The following MACO1 variants were observed in gnomAD, a reference collection of about 807,000 sequenced individuals.
MACO1 encodes macoilin 1.
MACO1 carries 14 observed loss-of-function variants against 78.7 expected under a neutral mutation model. That is an observed-to-expected ratio of 0.18 (90% CI 0.12 to 0.28). The LOEUF is 0.28. Ranked by LOEUF, MACO1 falls within the 10% of genes least tolerant of loss-of-function variation. MACO1 has a pLI of 1.00. For synonymous variants in MACO1, 288 were observed against 291.6 expected (o/e 0.99, Z 0.12); for missense variants, 501 against 799.0 (o/e 0.63, Z 4.50).
At position 25,452,596 on chromosome 1, in the gene MACO1, C is replaced by A. The variant is rs185891174; in HGVS notation, c.350-1663C>A. 2.6e-4 allele frequency among the ~76,000 whole-genome samples: 40 copies of A among 152,226 alleles called. No individual in the cohort carries two copies. The East Asian group carries it at 7.3e-3, about 28-fold the overall frequency. ...GCAGATCTTCCTCATTCTTTAGGAACCTTCAACATATTTCATTATATAGAT... is the reference window on the plus strand; with the variant it reads ...GCAGATCTTCCTCATTCTTTAGGAAACTTCAACATATTTCATTATATAGAT... On this transcript the variant is annotated intron_variant, in intron 3 of 10. Coordinates refer to ENST00000374343, the MANE Select transcript of MACO1 (RefSeq NM_018202.6).
At chr1:25,452,273 C>T (rs938008209) in intron 3 of MACO1, among the ~76,000 whole-genome samples, 2 of 152,168 alleles carry the variant, frequency 1.3e-5, no homozygotes, top group Admixed American at 6.5e-5. Flanking sequence ...TTTTTTCCCC[C>T]TCGTGCCCAT....
At chr1:25,480,932 ATATATATATATATATATATATATATAT>A (rs2043370269) in intron 6 of MACO1, among the ~76,000 whole-genome samples, 8 of 72,930 alleles carry the variant, frequency 1.1e-4, no homozygotes, top group African/African-American at 2.4e-4. Context: ...AAAAAAAAAT[ATATATATATATATATATATATATATAT>A]ATATATATAT....
chr1:25,438,344 T>A (rs2042937872), intron 1 of MACO1, among the ~76,000 whole-genome samples: 1 of 152,254 alleles, frequency 6.6e-6, no homozygotes, highest in African/African-American at 2.4e-5. Context: ...AGTAATAATC[T>A]GCTTAATCAC....
At chr1:25,460,793 A>G (rs1183075134) in intron 6 of MACO1, among the ~76,000 whole-genome samples, 1 of 152,064 alleles carries the variant, frequency 6.6e-6, no homozygotes, top group East Asian at 1.9e-4. Flanking sequence ...ACACCTAAGG[A>G]GTATGCTGCT....
intron 9 of MACO1, among the ~76,000 whole-genome samples, chr1:25,490,453 TC>T (rs1332325785): frequency 6.6e-6 from 1 of 152,184 alleles, no homozygotes; most frequent in East Asian, 1.9e-4. Context: ...AATGAGAATA[TC>T]AATCATGGTG....
chr1:25,457,643 A>T (rs998797407), intron 5 of MACO1, among the ~76,000 whole-genome samples: 15 of 152,172 alleles, frequency 9.9e-5, no homozygotes, highest in African/African-American at 3.6e-4. Flanking sequence ...TTCTAATGGA[A>T]TCTCTCTCAT....
rs936908836 is a variant in MACO1, at chr1:25,454,399, T to C, written c.473+17T>C. ...TGCTCACTGGTAAGTATTACATAAATGTATGTGTGTGTGTGTGTATATGTG... is the reference window on the plus strand; with the variant it reads ...TGCTCACTGGTAAGTATTACATAAACGTATGTGTGTGTGTGTGTATATGTG... On this transcript the variant is annotated intron_variant, in intron 4 of 10. Coordinates refer to ENST00000374343, the MANE Select transcript of MACO1 (RefSeq NM_018202.6). The C allele has an allele frequency of 2.7e-6, 4 of 1,473,136 alleles. No homozygotes were observed. Among genetic ancestry groups the C allele is most frequent in the African/African-American group, 1.7e-5 (1 of 59,374 alleles). 91.3% of individuals were successfully genotyped at this position (1,473,136 alleles called of 1,614,324 possible). A position where few individuals can be genotyped will look rare whatever the true frequency, so the allele number is the denominator to read the frequency against.
At chr1:25,457,473 G>T (rs552381935) in intron 5 of MACO1, among the ~76,000 whole-genome samples, 88 of 152,068 alleles carry the variant, frequency 5.8e-4, no homozygotes, top group Non-Finnish European at 4.1e-4. Context: ...TATGTGAACT[G>T]GTAATTGAAG....
At chr1:25,436,994 T>A (rs544930128) in intron 1 of MACO1, among the ~76,000 whole-genome samples, 1 of 152,222 alleles carries the variant, frequency 6.6e-6, no homozygotes, top group South Asian at 2.1e-4. Context: ...ATGGTGTGAC[T>A]ACTCCACTTT....
intron 6 of MACO1, among the ~76,000 whole-genome samples, chr1:25,464,159 A>G (rs1278984036): frequency 6.6e-6 from 1 of 152,060 alleles, no homozygotes; most frequent in African/African-American, 2.4e-5. Flanking sequence ...CCGTCCATCC[A>G]TCCCTACCCT....
At chr1:25,467,691 G>A (rs2043231520) in intron 6 of MACO1, among the ~76,000 whole-genome samples, 1 of 150,802 alleles carries the variant, frequency 6.6e-6, no homozygotes, top group Non-Finnish European at 1.5e-5. Flanking sequence ...TTGCTTGGTA[G>A]AGTACCATTT....
At chr1:25,494,142 G>T (rs1000280780) in intron 10 of MACO1, among the ~76,000 whole-genome samples, 1 of 152,192 alleles carries the variant, frequency 6.6e-6, no homozygotes, top group Non-Finnish European at 1.5e-5. Flanking sequence ...AAGAAGGGAA[G>T]TAATGTCTCA....
intron 1 of MACO1, among the ~76,000 whole-genome samples, chr1:25,437,154 A>G (rs1227672232): frequency 7.7e-6 from 1 of 130,588 alleles, no homozygotes; most frequent in African/African-American, 3.0e-5. Context: ...TTTTTTTTTG[A>G]GACAGGGTCT....
At chr1:25,449,519 G>A (rs1023504384) in intron 3 of MACO1, among the ~76,000 whole-genome samples, 9 of 151,962 alleles carry the variant, frequency 5.9e-5, no homozygotes, top group African/African-American at 1.5e-4. Context: ...TTTTGGGCTC[G>A]TTGATTTCTT....
At chr1:25,435,810 A>G (rs1208148470) in intron 1 of MACO1, among the ~76,000 whole-genome samples, 1 of 152,248 alleles carries the variant, frequency 6.6e-6, no homozygotes, top group Non-Finnish European at 1.5e-5. Flanking sequence ...TAACCTGTGC[A>G]GTGAAGTGTT....
At chr1:25,478,362 TC>T (rs2043341286) in intron 6 of MACO1, among the ~76,000 whole-genome samples, 1 of 152,244 alleles carries the variant, frequency 6.6e-6, no homozygotes, top group African/African-American at 2.4e-5. Context: ...TGAACTTCAT[TC>T]CTTTGGTCAA....
In MACO1 at chr1:25,458,381, GGTATT is replaced by G; in HGVS notation, c.653-6_653-2del. The G allele has an allele frequency of 6.4e-7, 1 of 1,554,356 alleles. No homozygotes were observed. Among genetic ancestry groups the G allele is most frequent in the South Asian group, 1.2e-5 (1 of 81,556 alleles). ...GCTTTTTGTTTGTTGGTTTGTTTTT[GGTATT>G]GTAGCAGCCAAAGGATTACCTGATA... On this transcript the variant is annotated splice_region_variant and splice_polypyrimidine_tract_variant and intron_variant, in intron 5 of 10. Coordinates refer to ENST00000374343, the MANE Select transcript of MACO1 (RefSeq NM_018202.6).
chr1:25,462,505 C>T (rs543537216), intron 6 of MACO1, among the ~76,000 whole-genome samples: 6 of 152,064 alleles, frequency 3.9e-5, no homozygotes, highest in African/African-American at 4.8e-5. Flanking sequence ...TCTTTCTGTC[C>T]GTGTGTCCCT....
At chr1:25,449,063 G>T (rs867136521) in intron 3 of MACO1, 129 bp downstream of exon 3, 1 of 735,606 alleles carries the variant, frequency 1.4e-6, no homozygotes, top group East Asian at 3.4e-5. Context: ...TTTCTTAATA[G>T]GTTATAATAT....
Sources: gnomAD v4.1 joint callset for allele counts (sites outside exome capture counted in the v4.1 genomes callset) on GRCh38, gnomAD v4.1.1 for gene constraint, MANE v1.5 for transcripts, NCBI Gene and HGNC (gene_info 2026-07-23, HGNC 2026-07-21) for gene names.